The following KAZN variants were observed in gnomAD, a reference collection of about 807,000 sequenced individuals.
KAZN encodes the protein kazrin.
A neutral mutation model predicts 87.4 loss-of-function variants in KAZN; 40 were observed. The observed-to-expected ratio is 0.46, with a 90% CI of 0.36 to 0.60. The LOEUF is 0.60. Among genes scored for constraint, KAZN ranks in the 20% least tolerant of loss-of-function variants. The pLI is 0.00. For synonymous variants in KAZN, 466 were observed against 458.3 expected (o/e 1.02, Z -0.22); for missense variants, 898 against 1,073.9 (o/e 0.84, Z 2.29).
chr1:15,089,489 G>C (rs1640427441), intron 8 of KAZN, among the ~76,000 whole-genome samples: 1 of 152,168 alleles, frequency 6.6e-6, no homozygotes, highest in African/African-American at 2.4e-5. Flanking sequence ...AGTGGCTGCA[G>C]CTAAACTCTA....
At chr1:15,110,455 TTG>T (rs763415451) in intron 13 of KAZN, among the ~76,000 whole-genome samples, 3,154 of 150,028 alleles carry the variant, frequency 0.021, 125 homozygotes, top group African/African-American at 0.071. Flanking sequence ...ATGTGTGTAT[TTG>T]TGTGTGTTTG....
chr1:14,606,708 G>T (rs1478350199), intron 1 of KAZN, among the ~76,000 whole-genome samples: 2 of 152,096 alleles, frequency 1.3e-5, no homozygotes, highest in Non-Finnish European at 2.9e-5. Flanking sequence ...ATACCTTCAT[G>T]CTAGGGTTTC....
intron 1 of KAZN, among the ~76,000 whole-genome samples, chr1:14,942,226 A>G (rs997853381): frequency 6.6e-6 from 1 of 152,160 alleles, no homozygotes; most frequent in African/African-American, 2.4e-5. Context: ...CAGGGTGCAC[A>G]TATTTGTCCC....
At chr1:14,831,429 C>G (rs1647045896) in intron 1 of KAZN, among the ~76,000 whole-genome samples, 1 of 152,178 alleles carries the variant, frequency 6.6e-6, no homozygotes, top group Non-Finnish European at 1.5e-5. Flanking sequence ...CCTGGCAGAG[C>G]CCAGCCAACA....
At chr1:14,069,131 T>C (rs934334129) in intron 1 of KAZN, among the ~76,000 whole-genome samples, 1 of 152,162 alleles carries the variant, frequency 6.6e-6, no homozygotes, top group Non-Finnish European at 1.5e-5. Flanking sequence ...CTTCAGCTCA[T>C]TATCCACTAA....
At chr1:14,413,593 GAAAAAAA>G (rs1169921344) in intron 2 of KAZN, among the ~76,000 whole-genome samples, 6 of 66,098 alleles carry the variant, frequency 9.1e-5, no homozygotes, top group East Asian at 5.0e-4. Flanking sequence ...CGTCTCAAAA[GAAAAAAA>G]AAAAAAAAAA....
intron 1 of KAZN, among the ~76,000 whole-genome samples, chr1:14,151,739 T>C (rs1326907343): frequency 2.0e-5 from 3 of 152,232 alleles, no homozygotes; most frequent in Non-Finnish European, 4.4e-5. Flanking sequence ...ATTGGAAGAA[T>C]GAGGTAAGCT....
At chr1:14,903,938 C>A (rs151178659) in intron 1 of KAZN, among the ~76,000 whole-genome samples, 4 of 152,164 alleles carry the variant, frequency 2.6e-5, no homozygotes, top group Non-Finnish European at 4.4e-5. Flanking sequence ...AAGCAGACTG[C>A]GGAAGGCCAG....
intron 1 of KAZN, among the ~76,000 whole-genome samples, chr1:14,745,944 G>A (rs529513516): frequency 2.0e-5 from 3 of 152,108 alleles, no homozygotes; most frequent in Non-Finnish European, 2.9e-5. Flanking sequence ...TGGCATCCCC[G>A]GGGTAAATTG....
intron 1 of KAZN, among the ~76,000 whole-genome samples, chr1:14,041,404 C>A (rs994580191): frequency 6.6e-6 from 1 of 152,164 alleles, no homozygotes; most frequent in Non-Finnish European, 1.5e-5. Flanking sequence ...ATAAAATCTT[C>A]ATTTTCCCAT....
intron 12 of KAZN, 119 bp downstream of exon 12, chr1:15,103,579 A>C: frequency 1.4e-6 from 1 of 726,874 alleles, no homozygotes; most frequent in Non-Finnish European, 2.4e-6. Flanking sequence ...ATGCAAATCA[A>C]TGGGCAAATC....
intron 1 of KAZN, among the ~76,000 whole-genome samples, chr1:14,885,220 C>T (rs1653897818): frequency 1.3e-5 from 2 of 152,146 alleles, no homozygotes; most frequent in Non-Finnish European, 2.9e-5. Flanking sequence ...AGGAGTCCAG[C>T]CTGGGGAAGG....
intron 1 of KAZN, among the ~76,000 whole-genome samples, chr1:14,803,083 A>G (rs1359816794): frequency 6.6e-6 from 1 of 152,204 alleles, no homozygotes; most frequent in Non-Finnish European, 1.5e-5. Context: ...AGTGAGAGAT[A>G]CATGTTATTG....
At chr1:14,281,744 A>G (rs527426697) in intron 2 of KAZN, among the ~76,000 whole-genome samples, 1 of 152,366 alleles carries the variant, frequency 6.6e-6, no homozygotes, top group African/African-American at 2.4e-5. Context: ...AACTTGGCAT[A>G]GAGAATAAAG....
chr1:14,593,193 G>GT (rs1676304049), intron 2 of KAZN, among the ~76,000 whole-genome samples: 1 of 152,216 alleles, frequency 6.6e-6, no homozygotes, highest in African/African-American at 2.4e-5. Flanking sequence ...AAATTAAGAT[G>GT]TGACTAGAAT....
At chr1:14,225,343 A>G (rs1383527171) in intron 2 of KAZN, among the ~76,000 whole-genome samples, 1 of 152,180 alleles carries the variant, frequency 6.6e-6, no homozygotes, top group African/African-American at 2.4e-5. Context: ...AGATCCCTAC[A>G]GTGAGAATTA....
intron 1 of KAZN, among the ~76,000 whole-genome samples, chr1:14,041,200 C>G (rs1176945229): frequency 6.6e-6 from 1 of 152,152 alleles, no homozygotes; most frequent in Non-Finnish European, 1.5e-5. Flanking sequence ...TCATATTATA[C>G]CTAGGTGAGG....
intron 1 of KAZN, among the ~76,000 whole-genome samples, chr1:14,703,879 T>A (rs1642063329): frequency 6.6e-6 from 1 of 152,154 alleles, no homozygotes; most frequent in Admixed American, 6.5e-5. Context: ...TGTGAGACTT[T>A]GTCTCTAAAA....
At chr1:14,326,202 C>T (rs1428018574) in intron 2 of KAZN, among the ~76,000 whole-genome samples, 2 of 152,120 alleles carry the variant, frequency 1.3e-5, no homozygotes, top group Non-Finnish European at 1.5e-5. Context: ...CCCCTACCCC[C>T]GCCCCACCGC....
Sources: gnomAD v4.1 joint callset for allele counts (sites outside exome capture counted in the v4.1 genomes callset) on GRCh38, gnomAD v4.1.1 for gene constraint, MANE v1.5 for transcripts, NCBI Gene and HGNC (gene_info 2026-07-23, HGNC 2026-07-21) for gene names.